The following MFSD6 variants were observed in gnomAD, a reference collection of about 807,000 sequenced individuals.
MFSD6 encodes major facilitator superfamily domain-containing protein 6.
A neutral mutation model predicts 56.3 loss-of-function variants in MFSD6; 26 were observed. That is an observed-to-expected ratio of 0.46 (90% CI 0.34 to 0.64). The LOEUF (loss-of-function observed/expected upper bound fraction) is 0.64. Among genes scored for constraint, MFSD6 ranks in the 30% least tolerant of loss-of-function variants. The probability of loss-of-function intolerance (pLI) is 0.01; values close to 1 mark genes in which losing one functional copy is unlikely to be tolerated. For missense variants in MFSD6, 750 were observed against 986.2 expected, an observed-to-expected ratio of 0.76 and a Z score of 3.21; for synonymous variants, 331 against 366.9, an observed-to-expected ratio of 0.90 and a Z score of 1.12.
chr2:190,431,329 G>T lies in MFSD6; in HGVS notation c.-53-4648G>T, dbSNP rs946240796. On this transcript the variant is annotated intron_variant, in intron 2 of 7. Transcript: ENST00000392328. The surrounding 1 kb of genome is among the most constrained non-coding windows in gnomAD (Gnocchi z 4.4). ...GCGGCCGGGCAGAGGCTGCAATCTC[G>T]GCACTTTGGGAGGCCAAGGCAGGCA... Among the ~76,000 whole-genome samples the T allele has an allele frequency of 6.6e-6, 1 of 152,188 alleles. No homozygotes were observed. Among genetic ancestry groups the T allele is most frequent in the African/African-American group, 2.4e-5 (1 of 41,448 alleles).
chr2:190,489,506 A>G lies in MFSD6; in HGVS notation c.1793-262A>G, dbSNP rs1455052947. 6.6e-6 allele frequency among the ~76,000 whole-genome samples: 1 copy of G among 152,232 alleles called. No individual in the cohort carries two copies. The highest frequency in any genetic ancestry group is 2.4e-5 in the African/African-American group (1 of 41,458). On this transcript the variant is annotated intron_variant, in intron 5 of 7. Transcript: ENST00000392328. This position sits in a 1 kb window ranked among gnomAD's most constrained non-coding sequence, Gnocchi z 6.6. ...AGAGCACCATTGAATTGTATGAGTCATGGTGAAAGGCACTGAGAGATAATC... is the reference window on the plus strand; with the variant it reads ...AGAGCACCATTGAATTGTATGAGTCGTGGTGAAAGGCACTGAGAGATAATC...
rs751612413 is a variant in MFSD6 at position 190,437,229 on chromosome 2, T to C, written c.1200T>C (p.Asp400=). The C allele has an allele frequency of 1.2e-6, 2 of 1,614,216 alleles. No homozygotes were observed. The highest frequency in any genetic ancestry group is 1.7e-6 in the Non-Finnish European group (2 of 1,180,050). The part of the protein sequence containing the change: ...RFRYNHFKND[D]SKGKEVEIPQ... The stretch of plus-strand genomic sequence containing the variant: ...GCTACAACCATTTCAAAAACGATGA[T>C]TCTAAAGGGAAAGAGGTGGAGATCC... The change falls in exon 3 of 8, where the codon GAT becomes GAC. Residue 400 remains aspartate, a synonymous_variant. Coordinates refer to ENST00000392328, the MANE Select transcript of MFSD6 (RefSeq NM_017694.4). The surrounding 1 kb of genome is among the most constrained non-coding windows in gnomAD (Gnocchi z 5.9).
chr2:190,454,870 AG>A lies in MFSD6; in HGVS notation c.1533-14886del, dbSNP rs1351586201. On this transcript the variant is annotated intron_variant, in intron 3 of 7. Coordinates refer to ENST00000392328, the MANE Select transcript of MFSD6 (RefSeq NM_017694.4). The surrounding 1 kb of genome is among the most constrained non-coding windows in gnomAD (Gnocchi z 4.6). Reference sequence around the variant, plus strand: ...TGGCCTAACATAGTGGGATGATGGTAGGAGTGAGTCCGGCAACGGCAAACTT... The same window carrying A: ...TGGCCTAACATAGTGGGATGATGGTAGAGTGAGTCCGGCAACGGCAAACTT... Among the ~76,000 whole-genome samples, 1 of 152,086 alleles carries A rather than the reference AG, an allele frequency of 6.6e-6. No homozygotes were observed.
At chr2:190,409,062 T>A (rs1559097836) in intron 1 of MFSD6, among the ~76,000 whole-genome samples, 1 of 152,112 alleles carries the variant, frequency 6.6e-6, no homozygotes, top group Admixed American at 6.5e-5. Flanking sequence ...CCTCCCAGGT[T>A]AATAAATACG....
At chr2:190,448,876 T>A (rs1441739932) in intron 3 of MFSD6, among the ~76,000 whole-genome samples, 2 of 152,196 alleles carry the variant, frequency 1.3e-5, no homozygotes, top group African/African-American at 4.8e-5. Context: ...TGGGAAATAG[T>A]TTGAAACCCA....
intron 3 of MFSD6, chr2:190,442,431 G>A (rs1686415106): frequency 6.6e-6 from 1 of 152,082 alleles, no homozygotes; most frequent in Non-Finnish European, 1.5e-5. Flanking sequence ...GCCATAGCAA[G>A]GTTCAAAGCA....
In MFSD6 at chr2:190,412,868, C is replaced by G. The variant is rs923222956; in HGVS notation, c.-175-2424C>G. Among the ~76,000 whole-genome samples the G allele has an allele frequency of 6.6e-6, 1 of 152,174 alleles. No individual in the cohort carries two copies. The highest frequency in any genetic ancestry group is 2.4e-5 in the African/African-American group (1 of 41,452). ...GGATGATATTTATTTACTGTTTTTGCAAAATGGCATTGTCTCAAGTTGGCT... is the reference window on the plus strand; with the variant it reads ...GGATGATATTTATTTACTGTTTTTGGAAAATGGCATTGTCTCAAGTTGGCT... On this transcript the variant is annotated intron_variant, in intron 1 of 7. Transcript: ENST00000392328. This position sits in a 1 kb window ranked among gnomAD's most constrained non-coding sequence, Gnocchi z 4.1.
At chr2:190,420,094 A>G (rs1390959964) in intron 2 of MFSD6, among the ~76,000 whole-genome samples, 1 of 146,070 alleles carries the variant, frequency 6.8e-6, no homozygotes, top group Non-Finnish European at 1.5e-5. Flanking sequence ...AGACTCAGAC[A>G]TTAAAAACAA....
At chr2:190,482,864 TCA>T (rs1559137523) in intron 4 of MFSD6, among the ~76,000 whole-genome samples, 1 of 125,782 alleles carries the variant, frequency 8.0e-6, no homozygotes, top group African/African-American at 2.9e-5. Context: ...ATTAAGACTA[TCA>T]TCTTTTTTTT....
At position 190,497,338 on chromosome 2, in the gene MFSD6, G is replaced by A; in HGVS notation, c.1892-101G>A. ...TTTATTAATATTATCAAGCACTCTGGAATGGGTATATGGGATTCTTGGTTT... is the reference window on the plus strand; with the variant it reads ...TTTATTAATATTATCAAGCACTCTGAAATGGGTATATGGGATTCTTGGTTT... On this transcript the variant is annotated intron_variant, in intron 6 of 7. Coordinates refer to ENST00000392328, the MANE Select transcript of MFSD6 (RefSeq NM_017694.4). This position sits in a 1 kb window ranked among gnomAD's most constrained non-coding sequence, Gnocchi z 5.2. 1 of 1,322,254 alleles carries A rather than the reference G, an allele frequency of 7.6e-7. No homozygotes were observed. The allele number at this position is 1,322,254 out of a possible 1,614,324, so 81.9% of individuals were successfully genotyped here.
In MFSD6 at chr2:190,458,027, C is replaced by T. The variant is rs1024971068; in HGVS notation, c.1533-11731C>T. Among the ~76,000 whole-genome samples, 1 of 152,214 alleles carries T rather than the reference C, an allele frequency of 6.6e-6. No individual in the cohort carries two copies. Among genetic ancestry groups the T allele is most frequent in the Non-Finnish European group, 1.5e-5 (1 of 68,032 alleles). On this transcript the variant is annotated intron_variant, in intron 3 of 7. Transcript: ENST00000392328. The surrounding 1 kb of genome is among the most constrained non-coding windows in gnomAD (Gnocchi z 5.3). ...GTCCTCCTCTAAGGATACAGCCTCA[C>T]TCTGACTGTTGAGGCCCGAGGAAGC...
rs1166373908 is a variant in MFSD6 at position 190,417,456 on chromosome 2, GC to G, written c.-54+2048del. On this transcript the variant is annotated intron_variant, in intron 2 of 7. Transcript: ENST00000392328. This position sits in a 1 kb window ranked among gnomAD's most constrained non-coding sequence, Gnocchi z 5.7. The stretch of plus-strand genomic sequence containing the variant: ...AGCATAAGGTGTTGTGATTGTGTGT[GC>G]CCCCGTCTTCTTCTCGCCTCTGGGT... 6.6e-6 allele frequency among the ~76,000 whole-genome samples: 1 copy of G among 152,152 alleles called. No individual in the cohort carries two copies. The highest frequency in any genetic ancestry group is 2.4e-5 in the African/African-American group (1 of 41,432).
chr2:190,420,825 G>A (rs1685582492), intron 2 of MFSD6, among the ~76,000 whole-genome samples: 1 of 151,818 alleles, frequency 6.6e-6, no homozygotes, highest in Non-Finnish European at 1.5e-5. Context: ...TGAAAATATT[G>A]AGTAAAAAAA....
Position 190,487,099 on chromosome 2 carries a change from T to G in MFSD6, c.1631-1558T>G, listed in dbSNP as rs1689054972. ...GCAGTGGCTCACTAATCCCAGCACT[T>G]TGAGAGGCTGAGGCAGGTGGATCAC... On this transcript the variant is annotated intron_variant, in intron 4 of 7. Coordinates refer to ENST00000392328, the MANE Select transcript of MFSD6 (RefSeq NM_017694.4). This position sits in a 1 kb window ranked among gnomAD's most constrained non-coding sequence, Gnocchi z 5.5. Among the ~76,000 whole-genome samples the G allele has an allele frequency of 1.3e-5, 2 of 152,146 alleles. No homozygotes were observed. The highest frequency in any genetic ancestry group is 4.1e-4 in the South Asian group (2 of 4,828).
intron 4 of MFSD6, among the ~76,000 whole-genome samples, chr2:190,482,463 G>T (rs944177332): frequency 1.3e-5 from 2 of 150,770 alleles, no homozygotes; most frequent in African/African-American, 2.4e-5. Flanking sequence ...CATGGGAAAG[G>T]TTTGTCACAG....
upstream of MFSD6, among the ~76,000 whole-genome samples, chr2:190,407,916 C>T (rs551718422): frequency 8.5e-4 from 130 of 152,246 alleles, no homozygotes; most frequent in Non-Finnish European, 1.5e-3. The surrounding 1 kb of genome is among the most constrained non-coding windows in gnomAD (Gnocchi z 5.4). Context: ...TTTTCCCCCA[C>T]ATTTCCTGGC....
In MFSD6 at chr2:190,490,278, C is replaced by T. The variant is rs1264333968; in HGVS notation, c.1891+412C>T. Among the ~76,000 whole-genome samples, 1 of 144,562 alleles carries T rather than the reference C, an allele frequency of 6.9e-6. No homozygotes were observed. The highest frequency in any genetic ancestry group is 1.5e-5 in the Non-Finnish European group (1 of 65,538). The allele number at this position is 144,562 out of a possible 152,430, so 94.8% of individuals were successfully genotyped here. A position where few individuals can be genotyped will look rare whatever the true frequency, so the allele number is the denominator to read the frequency against. On this transcript the variant is annotated intron_variant, in intron 6 of 7. Transcript: ENST00000392328. This position sits in a 1 kb window ranked among gnomAD's most constrained non-coding sequence, Gnocchi z 4.5. ...CTTCATTTGTTAAAAAAAAAAAAAA[C>T]AATGGCCGGGTGCAGTGGCTCACGC... is the stretch of plus-strand genomic sequence containing the variant.
intron 3 of MFSD6, among the ~76,000 whole-genome samples, chr2:190,448,487 G>T (rs1434490246): frequency 1.3e-5 from 2 of 152,138 alleles, no homozygotes; most frequent in Non-Finnish European, 2.9e-5. Flanking sequence ...GGGGTTAAAA[G>T]AAATAGACTA....
Position 190,497,412 on chromosome 2 carries a change from A to T in MFSD6, c.1892-27A>T, listed in dbSNP as rs778141082. 1.1e-5 allele frequency: 18 copies of T among 1,599,722 alleles called. No homozygotes were observed. The highest frequency in any genetic ancestry group is 1.5e-5 in the Non-Finnish European group (18 of 1,172,422). ...CAAATATGTAGAAAATGCTGAAAAA[A>T]TAGTTTAAACATTCTTTTCTCTCCA... On this transcript the variant is annotated intron_variant, in intron 6 of 7. Transcript: ENST00000392328. The surrounding 1 kb of genome is among the most constrained non-coding windows in gnomAD (Gnocchi z 5.2).
Sources: allele counts gnomAD v4.1 joint callset (sites outside exome capture counted in the v4.1 genomes callset), GRCh38; gene constraint gnomAD v4.1.1; non-coding constraint Gnocchi (gnomAD v3.1); transcripts MANE v1.5; gene names NCBI Gene and HGNC (gene_info 2026-07-23, HGNC 2026-07-21).